EYS: variants seen among roughly 807,000 people sequenced by gnomAD.
EYS encodes the protein protein eyes shut homolog.
EYS carries 250 observed loss-of-function variants against 282.1 expected under a neutral mutation model. The observed-to-expected ratio is 0.89, with a 90% CI of 0.80 to 0.98. The LOEUF is 0.98. Ranked by LOEUF, EYS falls within the 50% of genes least tolerant of loss-of-function variation. The probability of loss-of-function intolerance (pLI) is 0.00; values close to 1 mark genes in which losing one functional copy is unlikely to be tolerated. For missense variants in EYS, 4,016 were observed against 3,709.0 expected, an observed-to-expected ratio of 1.08 and a Z score of -2.15; for synonymous variants, 1,355 against 1,282.9, an observed-to-expected ratio of 1.06 and a Z score of -1.20.
chr6:65,636,225 C>T (rs1218751396), intron 2 of EYS, among the ~76,000 whole-genome samples: 1 of 152,186 alleles, frequency 6.6e-6, no homozygotes, highest in East Asian at 1.9e-4. Flanking sequence ...TGCTGTCTTT[C>T]TTAAACAGAA....
At chr6:64,711,662 T>C (rs553121055) in intron 22 of EYS, among the ~76,000 whole-genome samples, 9 of 152,328 alleles carry the variant, frequency 5.9e-5, no homozygotes, top group African/African-American at 1.4e-4. Context: ...TCCAAGAGTA[T>C]AAAATTTAAT....
chr6:63,951,632 C>G (rs1211501102), intron 35 of EYS, among the ~76,000 whole-genome samples: 1 of 152,158 alleles, frequency 6.6e-6, no homozygotes, highest in Non-Finnish European at 1.5e-5. Context: ...CTCCTCTACC[C>G]TATAATCCTT....
chr6:64,422,767 T>A (rs897441910), intron 28 of EYS, among the ~76,000 whole-genome samples: 1 of 152,208 alleles, frequency 6.6e-6, no homozygotes, highest in Admixed American at 6.5e-5. Context: ...TCTATGTTAA[T>A]CTTGTGCTAC....
At chr6:65,266,962 A>G (rs1430645415) in intron 12 of EYS, among the ~76,000 whole-genome samples, 1 of 144,160 alleles carries the variant, frequency 6.9e-6, no homozygotes, top group East Asian at 2.0e-4. Flanking sequence ...ATATGCACAC[A>G]CACACATACC....
chr6:64,469,640 C>T (rs374529059), intron 26 of EYS, among the ~76,000 whole-genome samples: 1 of 152,116 alleles, frequency 6.6e-6, no homozygotes, highest in Admixed American at 6.5e-5. Context: ...CCAAGCGGAC[C>T]GTAGTCTAGG....
intron 15 of EYS, among the ~76,000 whole-genome samples, chr6:64,928,440 G>A (rs934454301): frequency 2.0e-5 from 3 of 151,924 alleles, no homozygotes; most frequent in Non-Finnish European, 2.9e-5. Context: ...CACATTTTGT[G>A]TTTGTTATAG....
At chr6:64,314,194 C>CAAAAAAAAAAAA (rs138447983) in intron 29 of EYS, among the ~76,000 whole-genome samples, 2 of 27,670 alleles carry the variant, frequency 7.2e-5, no homozygotes, top group Non-Finnish European at 1.2e-4. Flanking sequence ...AAATGGAAAG[C>CAAAAAAAAAAAA]AAAAAAAAAA....
At chr6:65,260,117 G>A (rs947477571) in intron 12 of EYS, among the ~76,000 whole-genome samples, 2 of 152,064 alleles carry the variant, frequency 1.3e-5, no homozygotes, top group Admixed American at 6.6e-5. Context: ...AAGCAAGCAA[G>A]CTTCTTCTCA....
intron 26 of EYS, among the ~76,000 whole-genome samples, chr6:64,544,271 A>G (rs1289271539): frequency 6.6e-6 from 1 of 152,222 alleles, no homozygotes; most frequent in Non-Finnish European, 1.5e-5. Context: ...CTATAATAGT[A>G]TATGTAGTTG....
chr6:65,525,843 C>T (rs947110305), intron 2 of EYS, among the ~76,000 whole-genome samples: 3 of 152,150 alleles, frequency 2.0e-5, no homozygotes, highest in African/African-American at 7.2e-5. Context: ...AGCACTCTTG[C>T]CCATTTATAA....
At chr6:64,641,426 A>T (rs548335990) in intron 22 of EYS, among the ~76,000 whole-genome samples, 1 of 152,324 alleles carries the variant, frequency 6.6e-6, no homozygotes, top group Admixed American at 6.5e-5. Context: ...AAACCATATC[A>T]TGCTTATAAT....
chr6:64,525,378 T>C (rs1031545239), intron 26 of EYS, among the ~76,000 whole-genome samples: 1 of 151,814 alleles, frequency 6.6e-6, no homozygotes, highest in African/African-American at 2.4e-5. Context: ...TGTGGGAACA[T>C]GGATGGTGCT....
chr6:63,945,972 C>G (rs117175977), intron 35 of EYS, among the ~76,000 whole-genome samples: 1 of 152,206 alleles, frequency 6.6e-6, no homozygotes. Context: ...AATGCTTTGA[C>G]TTTGAGTTCA....
chr6:65,466,809 T>G (rs1158236626), intron 5 of EYS, among the ~76,000 whole-genome samples: 1 of 152,054 alleles, frequency 6.6e-6, no homozygotes, highest in Non-Finnish European at 1.5e-5. Context: ...ACAAGGAAAC[T>G]CCTGAGGTAA....
At chr6:65,678,790 G>A (rs1768716970) in intron 1 of EYS, among the ~76,000 whole-genome samples, 1 of 142,230 alleles carries the variant, frequency 7.0e-6, no homozygotes, top group African/African-American at 2.6e-5. Context: ...TTATAAATGG[G>A]CAAAGGACAT....
intron 12 of EYS, among the ~76,000 whole-genome samples, chr6:65,202,713 C>T (rs1011172441): frequency 8.5e-5 from 13 of 152,168 alleles, no homozygotes; most frequent in Non-Finnish European, 1.6e-4. Flanking sequence ...TGCAGGAAAT[C>T]TCACCATCGA....
intron 36 of EYS, among the ~76,000 whole-genome samples, chr6:63,812,928 A>G (rs545062952): frequency 6.6e-6 from 1 of 152,326 alleles, no homozygotes; most frequent in Non-Finnish European, 1.5e-5. Flanking sequence ...ATAATATAAT[A>G]CATACTGAAA....
chr6:65,339,134 C>G (rs944595485), intron 10 of EYS, among the ~76,000 whole-genome samples: 1 of 151,042 alleles, frequency 6.6e-6, no homozygotes, highest in Admixed American at 6.6e-5. Flanking sequence ...GTGAAAGTGA[C>G]TTTTCTTAAT....
At chr6:65,097,658 A>G (rs1280715736) in intron 12 of EYS, among the ~76,000 whole-genome samples, 1 of 150,906 alleles carries the variant, frequency 6.6e-6, no homozygotes, top group Non-Finnish European at 1.5e-5. Flanking sequence ...CATATGTACG[A>G]TTATTCAGTC....
Sources: gnomAD v4.1 joint callset for allele counts (sites outside exome capture counted in the v4.1 genomes callset) on GRCh38, gnomAD v4.1.1 for gene constraint, MANE v1.5 for transcripts, NCBI Gene and HGNC (gene_info 2026-07-23, HGNC 2026-07-21) for gene names.